Variants in DNAJC11 observed in about 807,000 individuals in gnomAD.
The protein encoded by DNAJC11 is DnaJ heat shock protein family (Hsp40) member C11, also known as dnaJ homolog subfamily C member 11.
Under a neutral mutation model 78.6 loss-of-function variants are expected in DNAJC11, and 15 were observed. The observed-to-expected ratio is 0.19, with a 90% CI of 0.13 to 0.29. The LOEUF is 0.29. DNAJC11 is among the 10% of genes least tolerant of loss of function. The pLI is 1.00. For synonymous variants in DNAJC11, 292 were observed against 272.1 expected, an observed-to-expected ratio of 1.07 and a Z score of -0.72; for missense variants, 547 against 709.6, an observed-to-expected ratio of 0.77 and a Z score of 2.60.
At chr1:6,651,299 TGGTGCAGCCTGGCCAGGGCTGGGACAAG>T (rs2148732761) in intron 7 of DNAJC11, 1 of 656,288 alleles carries the variant, frequency 1.5e-6, no homozygotes, top group Non-Finnish European at 2.8e-6. Flanking sequence ...GAGACCTGGA[TGGTGCAGCCTGGCCAGGGCTGGGACAAG>T]GGTCCGGCCC....
chr1:6,668,018 C>T (rs1177686711), intron 3 of DNAJC11: 2 of 542,826 alleles, frequency 3.7e-6, no homozygotes, highest in Admixed American at 6.3e-5. Context: ...CCTGGCCCTT[C>T]CCAAGGTTGA....
intron 1 of DNAJC11, among the ~76,000 whole-genome samples, chr1:6,682,163 C>CAAAAAAAAAAAAA (rs60985504): frequency 1.1e-5 from 1 of 94,066 alleles, no homozygotes; most frequent in African/African-American, 4.3e-5. Flanking sequence ...ACCATAATTA[C>CAAAAAAAAAAAAA]AAAAAAAAAA....
intron 3 of DNAJC11, among the ~76,000 whole-genome samples, chr1:6,669,593 G>C (rs1233470311): frequency 6.6e-6 from 1 of 151,114 alleles, no homozygotes; most frequent in African/African-American, 2.4e-5. Flanking sequence ...TTCAATTCCA[G>C]TTCAGCCCTT....
At chr1:6,687,959 A>AAAAAC (rs935108491) in intron 1 of DNAJC11, among the ~76,000 whole-genome samples, 1 of 152,362 alleles carries the variant, frequency 6.6e-6, no homozygotes, top group African/African-American at 2.4e-5. Flanking sequence ...TTTAATTGAC[A>AAAAAC]AAAACAAAAC....
chr1:6,644,115 G>A (rs957804131), intron 10 of DNAJC11, among the ~76,000 whole-genome samples: 3 of 151,780 alleles, frequency 2.0e-5, no homozygotes, highest in African/African-American at 4.8e-5. Context: ...CGTGATCCAC[G>A]GCACCTGGCT....
At chr1:6,657,885 T>G (rs1642154876) in intron 4 of DNAJC11, among the ~76,000 whole-genome samples, 1 of 152,232 alleles carries the variant, frequency 6.6e-6, no homozygotes, top group African/African-American at 2.4e-5. Context: ...GACCTCGTGA[T>G]CTGCCCACCT....
chr1:6,637,096 C>A, intron 14 of DNAJC11, 102 bp downstream of exon 14: 1 of 1,481,258 alleles, frequency 6.8e-7, no homozygotes, highest in South Asian at 1.2e-5. Context: ...GCAATCCGCC[C>A]ACCTTGGCCT....
intron 10 of DNAJC11, among the ~76,000 whole-genome samples, chr1:6,640,490 C>T (rs553814897): frequency 1.3e-5 from 2 of 152,276 alleles, no homozygotes; most frequent in South Asian, 4.1e-4. Context: ...CCAGTGGTGG[C>T]TGAGTAAAGT....
intron 1 of DNAJC11, among the ~76,000 whole-genome samples, chr1:6,690,714 G>A (rs1231925560): frequency 6.6e-6 from 1 of 152,088 alleles, no homozygotes; most frequent in East Asian, 1.9e-4. Context: ...CACGAGGTCA[G>A]GAGATCGAGA....
Position 6,701,806 on chromosome 1 carries a change from C to A in DNAJC11, c.-6G>T. ...TCGCTCAAGGCCGTCGCCATCTTCG[C>A]AACCTTTCACCCCGCCAAACCGGCA... On this transcript the variant is annotated 5_prime_UTR_variant, in exon 1 of 16. Transcript: ENST00000377577. 6.4e-7 allele frequency: 1 copy of A among 1,555,842 alleles called. No individual in the cohort carries two copies. Among genetic ancestry groups the A allele is most frequent in the East Asian group, 2.6e-5 (1 of 38,516 alleles).
intron 7 of DNAJC11, among the ~76,000 whole-genome samples, chr1:6,648,888 C>T (rs1642007769): frequency 6.6e-6 from 1 of 152,180 alleles, no homozygotes; most frequent in South Asian, 2.1e-4. Context: ...CCTTTGCAGA[C>T]CCAGTAGGTG....
At position 6,638,453 on chromosome 1, in the gene DNAJC11, A is replaced by T; in HGVS notation, c.1254-89T>A. ...CCCCTCCCGTGCTGGACCCGAGCCC[A>T]GCAAACAGTCTGTGATCTTACTGGA... On this transcript the variant is annotated intron_variant, in intron 11 of 15. Coordinates refer to ENST00000377577, the MANE Select transcript of DNAJC11 (RefSeq NM_018198.4). The T allele has an allele frequency of 2.3e-6, 3 of 1,276,980 alleles. No homozygotes were observed. The South Asian group carries it at 4.0e-5, about 17-fold the overall frequency. 79.1% of individuals were successfully genotyped at this position (1,276,980 alleles called of 1,614,324 possible).
chr1:6,665,740 G>A (rs540132392), intron 4 of DNAJC11, among the ~76,000 whole-genome samples: 3 of 152,124 alleles, frequency 2.0e-5, no homozygotes, highest in Admixed American at 6.5e-5. Flanking sequence ...CATGGGACAC[G>A]GATGCAGGAT....
At chr1:6,692,902 C>T (rs578172966) in intron 1 of DNAJC11, among the ~76,000 whole-genome samples, 91 of 149,034 alleles carry the variant, frequency 6.1e-4, no homozygotes, top group South Asian at 2.2e-3. Context: ...TGAGCCACTG[C>T]GCCCAGCCTC....
chr1:6,689,314 A>G (rs1217224485), intron 1 of DNAJC11, among the ~76,000 whole-genome samples: 1 of 152,220 alleles, frequency 6.6e-6, no homozygotes, highest in Non-Finnish European at 1.5e-5. Flanking sequence ...CTGAAGTCCT[A>G]GAGGATTCAC....
Position 6,634,245 on chromosome 1 carries a change from C to G in DNAJC11, c.*1430G>C. The G allele has an allele frequency of 1.1e-6, 1 of 872,030 alleles. No individual in the cohort carries two copies. Among genetic ancestry groups the G allele is most frequent in the Non-Finnish European group, 1.7e-6 (1 of 575,970 alleles). The allele number at this position is 872,030 out of a possible 1,614,324, so 54.0% of individuals were successfully genotyped here. A position where few individuals can be genotyped will look rare whatever the true frequency, so the allele number is the denominator to read the frequency against. On this transcript the variant is annotated 3_prime_UTR_variant, in exon 16 of 16. Coordinates refer to ENST00000377577, the MANE Select transcript of DNAJC11 (RefSeq NM_018198.4). ...CAAATGAAACGCAGAGGATGGGTGC[C>G]CAGAAGCACCTGCGGCAGAGGCGCA...
intron 1 of DNAJC11, among the ~76,000 whole-genome samples, chr1:6,690,145 C>G (rs1642722216): frequency 6.6e-6 from 1 of 152,084 alleles, no homozygotes; most frequent in African/African-American, 2.4e-5. Context: ...TAGCCTAACT[C>G]AAACCAAACT....
intron 10 of DNAJC11, among the ~76,000 whole-genome samples, chr1:6,642,674 T>C (rs1347730753): frequency 6.6e-6 from 1 of 152,136 alleles, no homozygotes; most frequent in Non-Finnish European, 1.5e-5. Context: ...ACCCTGTCTC[T>C]ATAAAAATAA....
chr1:6,681,457 A>AT (rs1461814371), intron 1 of DNAJC11, among the ~76,000 whole-genome samples: 1 of 152,244 alleles, frequency 6.6e-6, no homozygotes. Flanking sequence ...ATTTAATGAC[A>AT]TAACGAACAT....
Sources: gnomAD v4.1 joint callset for allele counts (sites outside exome capture counted in the v4.1 genomes callset) on GRCh38, gnomAD v4.1.1 for gene constraint, MANE v1.5 for transcripts, NCBI Gene and HGNC (gene_info 2026-07-23, HGNC 2026-07-21) for gene names.